ALK: variants seen among roughly 807,000 people sequenced by gnomAD.
The protein encoded by ALK is ALK receptor tyrosine kinase.
Under a neutral mutation model 163.1 loss-of-function variants are expected in ALK, and 74 were observed. That is an observed-to-expected ratio of 0.45 (90% confidence interval 0.38 to 0.55). The LOEUF (loss-of-function observed/expected upper bound fraction) is 0.55. Among genes scored for constraint, ALK ranks in the 20% least tolerant of loss-of-function variants. ALK has a pLI of 0.00. For synonymous variants in ALK, 960 were observed against 843.2 expected, an observed-to-expected ratio of 1.14 and a Z score of -2.40; for missense variants, 2,063 against 2,105.3, an observed-to-expected ratio of 0.98 and a Z score of 0.39.
chr2:29,625,544 A>C (rs942579093), intron 3 of ALK, among the ~76,000 whole-genome samples: 1 of 152,218 alleles, frequency 6.6e-6, no homozygotes, highest in African/African-American at 2.4e-5. Flanking sequence ...CAGAGAACCA[A>C]GCAGTAAGTA....
chr2:29,473,522 A>G (rs891035229), intron 4 of ALK, among the ~76,000 whole-genome samples: 1 of 152,234 alleles, frequency 6.6e-6, no homozygotes, highest in African/African-American at 2.4e-5. Context: ...TAATATATAA[A>G]GAAGCCCTAA....
intron 4 of ALK, among the ~76,000 whole-genome samples, chr2:29,395,607 C>G (rs1669283670): frequency 6.6e-6 from 1 of 152,334 alleles, no homozygotes; most frequent in South Asian, 2.1e-4. Context: ...TCCCCTTTCT[C>G]CCCCAAGGCA....
intron 3 of ALK, among the ~76,000 whole-genome samples, chr2:29,627,700 G>A (rs980966858): frequency 6.6e-6 from 1 of 152,214 alleles, no homozygotes; most frequent in East Asian, 1.9e-4. Context: ...AATACTTCAA[G>A]TTCTATGAAT....
At chr2:29,252,284 T>C (rs1054586523) in intron 11 of ALK, among the ~76,000 whole-genome samples, 4 of 151,554 alleles carry the variant, frequency 2.6e-5, no homozygotes, top group African/African-American at 9.7e-5. Flanking sequence ...TTTTACAACC[T>C]ATAAAAACTT....
chr2:29,543,228 T>G (rs1468604011), intron 3 of ALK, among the ~76,000 whole-genome samples: 1 of 152,156 alleles, frequency 6.6e-6, no homozygotes, highest in African/African-American at 2.4e-5. Context: ...AGGAAACATA[T>G]GGCAAGAAAA....
intron 1 of ALK, among the ~76,000 whole-genome samples, chr2:29,885,044 G>A (rs1252523188): frequency 6.6e-6 from 1 of 151,600 alleles, no homozygotes; most frequent in Middle Eastern, 3.2e-3. Flanking sequence ...ACCTTGAAGA[G>A]AAAAGCGACA....
chr2:29,890,555 C>T (rs1481213733), intron 1 of ALK: 1 of 152,212 alleles, frequency 6.6e-6, no homozygotes, highest in African/African-American at 2.4e-5. Context: ...TTCCCATTTC[C>T]TTCTAAAGAG....
At chr2:29,335,438 G>A (rs1667582023) in intron 5 of ALK, among the ~76,000 whole-genome samples, 1 of 152,166 alleles carries the variant, frequency 6.6e-6, no homozygotes, top group Admixed American at 6.5e-5. Flanking sequence ...TGATTAATCA[G>A]AAGACTGAGG....
intron 9 of ALK, among the ~76,000 whole-genome samples, chr2:29,294,461 A>T (rs891503741): frequency 2.6e-5 from 4 of 152,206 alleles, no homozygotes; most frequent in Admixed American, 6.5e-5. Flanking sequence ...TATAGTTATT[A>T]GTAGTTGAGC....
At chr2:29,667,470 T>G (rs1423885830) in intron 3 of ALK, among the ~76,000 whole-genome samples, 3 of 152,040 alleles carry the variant, frequency 2.0e-5, no homozygotes, top group Non-Finnish European at 4.4e-5. Flanking sequence ...ATGGCATTTG[T>G]TATTTTGCAG....
At chr2:29,607,871 CT>C (rs952784754) in intron 3 of ALK, among the ~76,000 whole-genome samples, 7 of 149,648 alleles carry the variant, frequency 4.7e-5, no homozygotes, top group South Asian at 2.1e-4. Context: ...ACATTTCTTT[CT>C]TTTTTTTTTC....
At chr2:29,606,764 C>T (rs1261480671) in intron 3 of ALK, among the ~76,000 whole-genome samples, 1 of 152,218 alleles carries the variant, frequency 6.6e-6, no homozygotes, top group Admixed American at 6.5e-5. Context: ...GACAATGGCT[C>T]ACAAAATCTA....
intron 1 of ALK, among the ~76,000 whole-genome samples, chr2:29,821,726 T>C (rs533668189): frequency 8.5e-5 from 13 of 152,258 alleles, no homozygotes; most frequent in Admixed American, 2.0e-4. Flanking sequence ...ATTTCACCAA[T>C]TGAATTGTCC....
intron 11 of ALK, among the ~76,000 whole-genome samples, chr2:29,261,738 C>A (rs1665094064): frequency 1.3e-5 from 2 of 152,102 alleles, no homozygotes; most frequent in South Asian, 4.1e-4. Flanking sequence ...TGGCCTCAGG[C>A]ATAAATATTT....
intron 3 of ALK, among the ~76,000 whole-genome samples, chr2:29,655,187 A>G (rs1206873171): frequency 6.6e-6 from 1 of 152,292 alleles, no homozygotes. Context: ...TCTTTGGATT[A>G]GACTCAGGAA....
At chr2:29,722,382 C>T (rs547397993) in intron 1 of ALK, among the ~76,000 whole-genome samples, 1 of 152,186 alleles carries the variant, frequency 6.6e-6, no homozygotes, top group Non-Finnish European at 1.5e-5. Context: ...CAAACCTATG[C>T]ATTCATTCAT....
chr2:29,766,991 C>A (rs1414270299), intron 1 of ALK, among the ~76,000 whole-genome samples: 1 of 152,166 alleles, frequency 6.6e-6, no homozygotes, highest in African/African-American at 2.4e-5. Context: ...AGCAATCCAA[C>A]CCAAAGAGGG....
intron 5 of ALK, among the ~76,000 whole-genome samples, chr2:29,368,857 A>C (rs545033567): frequency 1.3e-5 from 2 of 152,260 alleles, no homozygotes; most frequent in Admixed American, 6.5e-5. Context: ...AAACCCTGGC[A>C]AAAGCCTAGT....
chr2:29,263,369 A>T (rs1160875734), intron 11 of ALK, among the ~76,000 whole-genome samples: 1 of 152,228 alleles, frequency 6.6e-6, no homozygotes, highest in African/African-American at 2.4e-5. Context: ...GTTCTAACTC[A>T]TGATGACTGA....
Sources: allele counts gnomAD v4.1 joint callset (sites outside exome capture counted in the v4.1 genomes callset), GRCh38; gene constraint gnomAD v4.1.1; transcripts MANE v1.5; gene names NCBI Gene and HGNC (gene_info 2026-07-23, HGNC 2026-07-21).